The following NTN1 variants were observed in gnomAD, a reference collection of about 807,000 sequenced individuals.
The protein encoded by NTN1 is netrin-1.
NTN1 carries 11 observed loss-of-function variants against 54.2 expected under a neutral mutation model. The observed-to-expected ratio is 0.20, with a 90% confidence interval of 0.13 to 0.34. The LOEUF (loss-of-function observed/expected upper bound fraction) is 0.34, where lower values mean the gene tolerates loss of function less well. Ranked by LOEUF, NTN1 falls within the 10% of genes least tolerant of loss-of-function variation. The pLI is 1.00. For synonymous variants in NTN1, 371 were observed against 382.0 expected (o/e 0.97, Z 0.33); for missense variants, 740 against 893.1 (o/e 0.83, Z 2.18).
intron 2 of NTN1, among the ~76,000 whole-genome samples, chr17:9,115,460 G>A (rs1016368223): frequency 1.8e-4 from 28 of 152,238 alleles, no homozygotes; most frequent in Admixed American, 1.4e-3. Context: ...AGAAAGCCGG[G>A]CTCCTGGCTG....
chr17:9,048,882 C>G (rs1334668710), intron 2 of NTN1, among the ~76,000 whole-genome samples: 1 of 152,226 alleles, frequency 6.6e-6, no homozygotes, highest in Non-Finnish European at 1.5e-5. Flanking sequence ...TCTCAAACTC[C>G]TGACCTCAGG....
Position 9,022,970 on chromosome 17 carries a change from G to A in NTN1, c.597G>A (p.Gln199=), listed in dbSNP as rs138686641. 2.5e-5 allele frequency: 40 copies of A among 1,611,090 alleles called. No homozygotes were observed. The African/African-American group carries it at 4.4e-4, about 18-fold the overall frequency. ...CGCCCATCACCAAGCAGAACGAGCA[G>A]GAGGCCGTGTGCACCGACTCGCACA... ...HRAPITKQNE[Q]EAVCTDSHTD... The change falls in exon 2 of 7, where the codon CAG becomes CAA. Residue 199 remains glutamine (Q), a synonymous_variant. Transcript: ENST00000173229.
intron 2 of NTN1, among the ~76,000 whole-genome samples, chr17:9,076,380 A>G (rs550934708): frequency 6.6e-5 from 10 of 152,032 alleles, no homozygotes; most frequent in African/African-American, 2.4e-4. Context: ...TCTATTTTTA[A>G]GTTTTTTTGT....
intron 2 of NTN1, among the ~76,000 whole-genome samples, chr17:9,073,558 T>G (rs2092039608): frequency 1.3e-5 from 2 of 152,170 alleles, no homozygotes; most frequent in South Asian, 4.1e-4. Flanking sequence ...TTTTAGAGGT[T>G]GAGAGGACCA....
rs1319656528 is a variant in NTN1 at position 9,219,486 on chromosome 17, A to G, written c.1412-1682A>G. ...GACTGGTTCCTAACTGGGGGCCCCA[A>G]GAGTCTGGCACAGGAAGCGGTGGGA... On this transcript the variant is annotated intron_variant, in intron 5 of 6. Transcript: ENST00000173229. The surrounding 1 kb of genome is among the most constrained non-coding windows in gnomAD (Gnocchi z 4.5). Among the ~76,000 whole-genome samples, 2 of 152,186 alleles carry G rather than the reference A, an allele frequency of 1.3e-5. No homozygotes were observed. Among genetic ancestry groups the G allele is most frequent in the Non-Finnish European group, 2.9e-5 (2 of 68,022 alleles).
chr17:9,182,843 C>T (rs2092422453), intron 4 of NTN1, 73 bp from the exon 5 acceptor site: 1 of 1,512,604 alleles, frequency 6.6e-7, no homozygotes, highest in Non-Finnish European at 9.2e-7. Flanking sequence ...TGGGCTCATT[C>T]TAAAGTCAAA....
chr17:9,127,861 A>G (rs977796330), intron 2 of NTN1, among the ~76,000 whole-genome samples: 1 of 152,164 alleles, frequency 6.6e-6, no homozygotes, highest in Non-Finnish European at 1.5e-5. Context: ...GCACGCCTGT[A>G]ATCCCAGCAC....
intron 2 of NTN1, among the ~76,000 whole-genome samples, chr17:9,096,274 G>A (rs1239594547): frequency 6.7e-6 from 1 of 150,110 alleles, no homozygotes; most frequent in Non-Finnish European, 1.5e-5. Flanking sequence ...GTTTGCTATT[G>A]GTATATATGA....
At chr17:9,046,526 C>T (rs544806253) in intron 2 of NTN1, among the ~76,000 whole-genome samples, 1 of 152,304 alleles carries the variant, frequency 6.6e-6, no homozygotes, top group African/African-American at 2.4e-5. Context: ...GTGGCTCATG[C>T]CTACGATCCC....
At chr17:9,227,635 A>ACACATCAAACACACCGT (rs1905634818) in intron 6 of NTN1, among the ~76,000 whole-genome samples, 1 of 13,054 alleles carries the variant, frequency 7.7e-5, no homozygotes, top group Non-Finnish European at 1.4e-4. Context: ...TATCACGCAC[A>ACACATCAAACACACCGT]CACATCAAAC....
intron 2 of NTN1, among the ~76,000 whole-genome samples, chr17:9,031,978 A>AT (rs964613059): frequency 7.9e-5 from 11 of 139,922 alleles, no homozygotes; most frequent in African/African-American, 1.1e-4. Context: ...AAAAAAGAAG[A>AT]TAAAAAAAAA....
At chr17:9,055,383 A>G (rs1252048088) in intron 2 of NTN1, among the ~76,000 whole-genome samples, 1 of 152,158 alleles carries the variant, frequency 6.6e-6, no homozygotes, top group Non-Finnish European at 1.5e-5. Flanking sequence ...CAAAAAGCTG[A>G]TGTTCTATTG....
intron 2 of NTN1, among the ~76,000 whole-genome samples, chr17:9,095,892 C>T (rs1201090592): frequency 2.6e-5 from 4 of 151,928 alleles, no homozygotes; most frequent in South Asian, 2.1e-4. Flanking sequence ...CTCTGCCTCC[C>T]GGGTTCAAGC....
At chr17:9,142,940 C>T (rs1201455059) in intron 2 of NTN1, among the ~76,000 whole-genome samples, 1 of 152,194 alleles carries the variant, frequency 6.6e-6, no homozygotes, top group Admixed American at 6.5e-5. Flanking sequence ...TTAAAGTACA[C>T]ATACACTCTA....
intron 5 of NTN1, among the ~76,000 whole-genome samples, chr17:9,196,137 C>T (rs1012309950): frequency 3.3e-5 from 5 of 152,194 alleles, no homozygotes; most frequent in African/African-American, 9.7e-5. Context: ...CTGCCAGCAG[C>T]TGGGCAGGGC....
chr17:9,073,588 GC>G (rs1219195269), intron 2 of NTN1, among the ~76,000 whole-genome samples: 1 of 152,182 alleles, frequency 6.6e-6, no homozygotes, highest in Non-Finnish European at 1.5e-5. Flanking sequence ...TCCAGCATCT[GC>G]CCTCCCGCCG....
intron 2 of NTN1, among the ~76,000 whole-genome samples, chr17:9,103,530 A>G (rs1597488585): frequency 6.6e-6 from 1 of 151,728 alleles, no homozygotes; most frequent in Non-Finnish European, 1.5e-5. Flanking sequence ...GCTTGCTGCC[A>G]CCATGTGTTT....
chr17:9,167,942 G>A (rs181782489), intron 3 of NTN1, among the ~76,000 whole-genome samples: 1 of 152,294 alleles, frequency 6.6e-6, no homozygotes, highest in Admixed American at 6.5e-5. Flanking sequence ...TGAAAATACT[G>A]CCGCCTGGAT....
rs559936456 is a variant in NTN1, at chr17:9,040,251, C to A, written c.1018+16860C>A. Among the ~76,000 whole-genome samples the A allele has an allele frequency of 2.6e-5, 4 of 152,274 alleles. No homozygotes were observed. In the South Asian group the frequency reaches 8.3e-4, roughly 32 times the overall value. ...TTTACAATTTGGAAGTATAGAACAT[C>A]TACATTTATTTATGTCTTCTTTTAT... On this transcript the variant is annotated intron_variant, in intron 2 of 6. Coordinates refer to ENST00000173229, the MANE Select transcript of NTN1 (RefSeq NM_004822.3).
Sources: gnomAD v4.1 joint callset for allele counts (sites outside exome capture counted in the v4.1 genomes callset) on GRCh38, gnomAD v4.1.1 for gene constraint, Gnocchi (gnomAD v3.1) non-coding constraint, MANE v1.5 for transcripts, NCBI Gene and HGNC (gene_info 2026-07-23, HGNC 2026-07-21) for gene names.